The following TSHZ2 variants were observed in gnomAD, a reference collection of about 807,000 sequenced individuals.
The protein encoded by TSHZ2 is teashirt zinc finger homeobox 2.
TSHZ2 carries 21 observed loss-of-function variants against 74.4 expected under a neutral mutation model. That is an observed-to-expected ratio of 0.28 (90% CI 0.20 to 0.41). The LOEUF is 0.41. Among genes scored for constraint, TSHZ2 ranks in the 10% least tolerant of loss-of-function variants. TSHZ2 has a pLI of 1.00. For synonymous variants in TSHZ2, 540 were observed against 515.3 expected (o/e 1.05, Z -0.65); for missense variants, 1,244 against 1,293.5 (o/e 0.96, Z 0.59).
intron 1 of TSHZ2, among the ~76,000 whole-genome samples, chr20:53,136,889 G>A (rs941299901): frequency 2.6e-5 from 4 of 151,854 alleles, no homozygotes; most frequent in African/African-American, 9.7e-5. Flanking sequence ...ATGACTGTTA[G>A]GATCCATTTT....
chr20:53,386,861 T>C (rs576085536), intron 2 of TSHZ2, among the ~76,000 whole-genome samples: 1 of 149,558 alleles, frequency 6.7e-6, no homozygotes, highest in Admixed American at 6.8e-5. Flanking sequence ...AATGGTTATG[T>C]TAACTCTGCC....
chr20:53,459,545 T>C (rs1276970788), intron 2 of TSHZ2, among the ~76,000 whole-genome samples: 2 of 144,406 alleles, frequency 1.4e-5, no homozygotes, highest in South Asian at 2.3e-4. Context: ...TTGGAGCATT[T>C]AGTCCATTTA....
intron 2 of TSHZ2, among the ~76,000 whole-genome samples, chr20:53,361,542 T>A (rs1981053648): frequency 6.6e-6 from 1 of 152,244 alleles, no homozygotes. Flanking sequence ...TGATCTCAAT[T>A]AATGGCATAT....
chr20:53,341,195 T>C (rs1175235542), intron 2 of TSHZ2, among the ~76,000 whole-genome samples: 1 of 152,012 alleles, frequency 6.6e-6, no homozygotes, highest in African/African-American at 2.4e-5. Context: ...CTTGAGGAGG[T>C]AGATACAAAA....
At chr20:53,225,876 C>A (rs530117983) in intron 1 of TSHZ2, among the ~76,000 whole-genome samples, 1 of 151,896 alleles carries the variant, frequency 6.6e-6, no homozygotes, top group African/African-American at 2.4e-5. Flanking sequence ...AAGAGGGAAT[C>A]GGTTTAAATA....
chr20:53,475,231 A>G (rs1985958184), intron 2 of TSHZ2, among the ~76,000 whole-genome samples: 1 of 133,212 alleles, frequency 7.5e-6, no homozygotes, highest in Non-Finnish European at 1.6e-5. Flanking sequence ...CACCACACCT[A>G]TTCCAAAATT....
At chr20:53,168,381 C>G (rs952873860) in intron 1 of TSHZ2, among the ~76,000 whole-genome samples, 4 of 152,182 alleles carry the variant, frequency 2.6e-5, no homozygotes, top group African/African-American at 9.7e-5. Context: ...TTCACATAGT[C>G]TAGTTTATGA....
chr20:53,383,710 C>T (rs1004173441), intron 2 of TSHZ2, among the ~76,000 whole-genome samples: 4 of 152,034 alleles, frequency 2.6e-5, no homozygotes, highest in African/African-American at 9.7e-5. Flanking sequence ...GCAGTGAGCT[C>T]AGATTGCACC....
intron 2 of TSHZ2, among the ~76,000 whole-genome samples, chr20:53,447,311 G>C (rs568192753): frequency 1.3e-5 from 2 of 152,326 alleles, no homozygotes; most frequent in African/African-American, 2.4e-5. Context: ...TTAGTGGCCT[G>C]TTCTTCTGCC....
Position 53,238,836 on chromosome 20 carries a change from TAAAAA to T in TSHZ2, c.41-14642_41-14638del, listed in dbSNP as rs746136673. Among the ~76,000 whole-genome samples the T allele has an allele frequency of 4.2e-4, 28 of 66,022 alleles. 1 individual carries two copies. The highest frequency in any genetic ancestry group is 9.1e-3 in the Middle Eastern group (1 of 110). 43.3% of individuals were successfully genotyped at this position (66,022 alleles called of 152,430 possible). On this transcript the variant is annotated intron_variant, in intron 1 of 2. Coordinates refer to ENST00000371497, the MANE Select transcript of TSHZ2 (RefSeq NM_173485.6). ...GTCAGTCCCAAGTCAATCTTATATC[TAAAAA>T]AAAAAAAAAAAAAAAAAAAAGAGCT...
intron 2 of TSHZ2, among the ~76,000 whole-genome samples, chr20:53,422,193 T>G (rs1296429711): frequency 1.3e-5 from 2 of 152,168 alleles, no homozygotes; most frequent in Non-Finnish European, 2.9e-5. Flanking sequence ...AAAGGTCATA[T>G]CCACAAAGCA....
intron 1 of TSHZ2, among the ~76,000 whole-genome samples, chr20:52,987,158 AC>A: frequency 6.6e-6 from 1 of 152,216 alleles, no homozygotes; most frequent in South Asian, 2.1e-4. Flanking sequence ...GTCTTTACTC[AC>A]CCCCAAAATT....
intron 2 of TSHZ2, among the ~76,000 whole-genome samples, chr20:53,452,598 C>CA (rs11313655): frequency 1.8e-3 from 213 of 121,216 alleles, no homozygotes; most frequent in Admixed American, 3.6e-3. Flanking sequence ...GACTCTGTCT[C>CA]AAAAAAAAAA....
intron 2 of TSHZ2, among the ~76,000 whole-genome samples, chr20:53,357,021 A>G (rs1980871880): frequency 6.6e-6 from 1 of 152,158 alleles, no homozygotes; most frequent in African/African-American, 2.4e-5. Context: ...TTTCACTATC[A>G]TAATAATTTT....
chr20:53,358,608 G>A (rs1324290060), intron 2 of TSHZ2, among the ~76,000 whole-genome samples: 1 of 151,928 alleles, frequency 6.6e-6, no homozygotes, highest in Non-Finnish European at 1.5e-5. Context: ...GCCTCCCAAA[G>A]TGCTGGGATT....
At chr20:53,152,536 CA>C (rs1368529700) in intron 1 of TSHZ2, among the ~76,000 whole-genome samples, 4 of 152,282 alleles carry the variant, frequency 2.6e-5, no homozygotes, top group South Asian at 4.1e-4. Context: ...AAACACAGAC[CA>C]GGGGTGGCCA....
At chr20:53,166,961 A>G (rs1212640409) in intron 1 of TSHZ2, among the ~76,000 whole-genome samples, 1 of 152,206 alleles carries the variant, frequency 6.6e-6, no homozygotes, top group Non-Finnish European at 1.5e-5. Context: ...ACTAAAAATA[A>G]AGGTGGGAAC....
intron 1 of TSHZ2, among the ~76,000 whole-genome samples, chr20:53,059,418 G>T (rs1984748891): frequency 6.6e-6 from 1 of 152,090 alleles, no homozygotes; most frequent in African/African-American, 2.4e-5. Flanking sequence ...CTTAAACAAG[G>T]TTAACATTCC....
intron 1 of TSHZ2, among the ~76,000 whole-genome samples, chr20:53,010,266 C>A (rs1248181188): frequency 6.6e-6 from 1 of 152,168 alleles, no homozygotes; most frequent in African/African-American, 2.4e-5. Flanking sequence ...ATTCCACCCA[C>A]CACATTGCAT....
Sources: allele counts gnomAD v4.1 joint callset (sites outside exome capture counted in the v4.1 genomes callset), GRCh38; gene constraint gnomAD v4.1.1; transcripts MANE v1.5; gene names NCBI Gene and HGNC (gene_info 2026-07-23, HGNC 2026-07-21).